The following TSNARE1 variants were observed in gnomAD, a reference collection of about 807,000 sequenced individuals.
The protein encoded by TSNARE1 is t-SNARE domain-containing protein 1.
Under a neutral mutation model 62.0 loss-of-function variants are expected in TSNARE1, and 49 were observed. The observed-to-expected ratio is 0.79, with a 90% confidence interval of 0.63 to 1.00. The LOEUF is 1.00. TSNARE1 is among the 50% of genes least tolerant of loss of function. TSNARE1 has a pLI of 0.00. For missense variants in TSNARE1, 755 were observed against 700.1 expected, an observed-to-expected ratio of 1.08 and a Z score of -0.88; for synonymous variants, 328 against 294.4, an observed-to-expected ratio of 1.11 and a Z score of -1.17.
intron 11 of TSNARE1, among the ~76,000 whole-genome samples, chr8:142,280,844 A>G (rs886384037): frequency 3.3e-5 from 5 of 152,126 alleles, no homozygotes; most frequent in Non-Finnish European, 7.4e-5. Context: ...AGGAGGTGGT[A>G]AGGGAGTGAT....
Position 142,222,931 on chromosome 8 carries a change from TCCACTCATTCAC to T in TSNARE1, c.*11+6530_*11+6541del, listed in dbSNP as rs1563756257. Among the ~76,000 whole-genome samples, 34 of 131,696 alleles carry T rather than the reference TCCACTCATTCAC, an allele frequency of 2.6e-4. 1 individual carries two copies. The highest frequency in any genetic ancestry group is 6.2e-3 in the Middle Eastern group (1 of 162). The allele number at this position is 131,696 out of a possible 152,430, so 86.4% of individuals were successfully genotyped here. On this transcript the variant is annotated intron_variant, in intron 13 of 13. Transcript: ENST00000524325. ...ATCCACTCATTCACTCATTCACTCA[TCCACTCATTCAC>T]TCACTCATCCACTCACTCACTCATT...
At chr8:142,233,955 C>T (rs929489110) in intron 12 of TSNARE1, among the ~76,000 whole-genome samples, 1 of 152,248 alleles carries the variant, frequency 6.6e-6, no homozygotes, top group African/African-American at 2.4e-5. Context: ...CAAATCTCAC[C>T]TCCTTCCCCA....
intron 9 of TSNARE1, among the ~76,000 whole-genome samples, chr8:142,302,254 CCACA>C (rs200241247): frequency 0.013 from 1,974 of 152,216 alleles, 40 homozygotes; most frequent in African/African-American, 0.045. Flanking sequence ...CATGCTATGC[CCACA>C]CACACCCCCT....
chr8:142,322,937 C>T lies in TSNARE1; in HGVS notation c.894-4303G>A, dbSNP rs145058607. 1.9e-3 allele frequency among the ~76,000 whole-genome samples: 283 copies of T among 150,696 alleles called. 1 individual carries two copies. Among genetic ancestry groups the T allele is most frequent in the African/African-American group, 6.3e-3 (258 of 40,900 alleles). Reference sequence around the variant, plus strand: ...GCTGGATGATATTGTTATGAAAGGCCGGCCTTACCGTGTCCGTGGGTTGGA... The same window carrying T: ...GCTGGATGATATTGTTATGAAAGGCTGGCCTTACCGTGTCCGTGGGTTGGA... On this transcript the variant is annotated intron_variant, in intron 6 of 13. Transcript: ENST00000524325.
intron 1 of TSNARE1, among the ~76,000 whole-genome samples, chr8:142,360,798 G>A (rs1835096553): frequency 2.0e-5 from 3 of 152,228 alleles, no homozygotes; most frequent in African/African-American, 7.2e-5. Context: ...AGGGAGGCCT[G>A]GCAGCAGGCC....
intron 2 of TSNARE1, among the ~76,000 whole-genome samples, chr8:142,352,877 T>C (rs1834289938): frequency 6.6e-6 from 1 of 152,188 alleles, no homozygotes; most frequent in African/African-American, 2.4e-5. Flanking sequence ...TCCGAACCGT[T>C]AGATCTGAAC....
chr8:142,285,029 G>A (rs1586546866), intron 10 of TSNARE1, among the ~76,000 whole-genome samples: 1 of 152,344 alleles, frequency 6.6e-6, no homozygotes, highest in South Asian at 2.1e-4. Context: ...CTAAAGAAGT[G>A]GGATAGATGG....
intron 12 of TSNARE1, among the ~76,000 whole-genome samples, chr8:142,256,340 T>C (rs1210318389): frequency 0.13 from 324 of 2,532 alleles, 1 homozygote; most frequent in Admixed American, 0.14. Flanking sequence ...TTTGCCACCA[T>C]CATCATCACC....
Position 142,345,867 on chromosome 8 carries a change from A to G in TSNARE1, c.114T>C (p.Tyr38=), listed in dbSNP as rs754068923. The G allele has an allele frequency of 1.2e-6, 2 of 1,613,862 alleles. No individual in the cohort carries two copies. Reference sequence around the variant, plus strand: ...ACGGGCAGGGGAAATGGCGGATTCCATACTCGGTCCAACATCTAGCGCACT... The same window carrying G: ...ACGGGCAGGGGAAATGGCGGATTCCGTACTCGGTCCAACATCTAGCGCACT... ...PLECARCWTE[Y]GIRHFPCPSP... Residue 38 remains tyrosine (Y), a synonymous_variant, in exon 3 of 14, where the codon TAT becomes TAC. Transcript: ENST00000524325.
At chr8:142,332,679 G>T (rs1320677739) in intron 4 of TSNARE1, among the ~76,000 whole-genome samples, 1 of 152,128 alleles carries the variant, frequency 6.6e-6, no homozygotes, top group East Asian at 1.9e-4. Context: ...CGGCCACCAT[G>T]GGAAGGGTCT....
chr8:142,269,485 CTTTA>C (rs1157029766), intron 12 of TSNARE1: 5 of 985,418 alleles, frequency 5.1e-6, no homozygotes, highest in Non-Finnish European at 6.0e-6. Context: ...TGCTGGGTAT[CTTTA>C]TTTATTAAGC....
chr8:142,311,224 G>A (rs1827526807), intron 9 of TSNARE1, among the ~76,000 whole-genome samples: 2 of 149,874 alleles, frequency 1.3e-5, no homozygotes, highest in Admixed American at 6.7e-5. Flanking sequence ...GAGTGCAATG[G>A]CAATCTTGGC....
chr8:142,341,712 C>G (rs1195198309), intron 4 of TSNARE1, among the ~76,000 whole-genome samples: 1 of 152,218 alleles, frequency 6.6e-6, no homozygotes, highest in Non-Finnish European at 1.5e-5. Flanking sequence ...CACTCACTGC[C>G]CGGCAGGCTG....
upstream of TSNARE1, chr8:142,405,912 C>T (rs900934960): frequency 6.6e-6 from 1 of 152,312 alleles, no homozygotes; most frequent in African/African-American, 2.4e-5. Flanking sequence ...TTACCCAGGC[C>T]TCCTTTGTCC....
At position 142,344,178 on chromosome 8, in the gene TSNARE1, C is replaced by T. The variant is rs146344045; in HGVS notation, c.533G>A (p.Arg178His). The change falls in exon 4 of 14, where the codon CGC becomes CAC. Residue 178 changes from arginine to histidine, a missense_variant. Arg to His is a conservative substitution (Grantham distance 29). Coordinates refer to ENST00000524325, the MANE Select transcript of TSNARE1 (RefSeq NM_145003.5). Reference protein sequence around the residue: ...LQAVNALGYCRRDVVDLKHKW... With the variant: ...LQAVNALGYCHRDVVDLKHKW... ...GTGCTTCAGGTCCACAACGTCGCGG[C>T]GACAGTAGCCCAGCGCATTCACGGC... is the stretch of plus-strand genomic sequence containing the variant. The T allele has an allele frequency of 5.1e-5, 82 of 1,613,332 alleles. No individual in the cohort carries two copies. Among genetic ancestry groups the T allele is most frequent in the African/African-American group, 3.2e-4 (24 of 74,944 alleles).
At position 142,255,158 on chromosome 8, in the gene TSNARE1, T is replaced by A. The variant is rs537401340; in HGVS notation, c.1446+19623A>T. ...GGTGGGGACTCTGTCCCCAGCCCCA[T>A]GAACCTGTCAGTAAGAACTCAGCAC... is the stretch of plus-strand genomic sequence containing the variant. On this transcript the variant is annotated intron_variant, in intron 12 of 13. Transcript: ENST00000524325. Among the ~76,000 whole-genome samples the A allele has an allele frequency of 1.8e-3, 274 of 152,098 alleles. 1 individual carries two copies. Among genetic ancestry groups the A allele is most frequent in the African/African-American group, 6.4e-3 (267 of 41,470 alleles).
intron 6 of TSNARE1, among the ~76,000 whole-genome samples, chr8:142,327,030 G>A (rs1484057989): frequency 6.6e-6 from 1 of 152,172 alleles, no homozygotes; most frequent in African/African-American, 2.4e-5. Flanking sequence ...GGTGTAAAAT[G>A]GGGCAGCTGC....
chr8:142,329,543 G>A (rs1830716908), intron 6 of TSNARE1, among the ~76,000 whole-genome samples: 1 of 152,186 alleles, frequency 6.6e-6, no homozygotes, highest in Non-Finnish European at 1.5e-5. Flanking sequence ...CCACACTGAA[G>A]AGACGGGAGA....
chr8:142,347,645 A>C (rs1164097572), intron 2 of TSNARE1, among the ~76,000 whole-genome samples: 1 of 152,022 alleles, frequency 6.6e-6, no homozygotes, highest in Non-Finnish European at 1.5e-5. Flanking sequence ...AGGACACGCC[A>C]TCACCTCGCC....
Sources: allele counts gnomAD v4.1 joint callset (sites outside exome capture counted in the v4.1 genomes callset), GRCh38; gene constraint gnomAD v4.1.1; transcripts MANE v1.5; gene names NCBI Gene and HGNC (gene_info 2026-07-23, HGNC 2026-07-21).